The following BRINP3 variants were observed in gnomAD, a reference collection of about 807,000 sequenced individuals.
The protein encoded by BRINP3 is BMP/retinoic acid inducible neural specific 3, also known as BMP/retinoic acid-inducible neural-specific protein 3.
A neutral mutation model predicts 71.0 loss-of-function variants in BRINP3; 19 were observed. The ratio of observed to expected loss-of-function variants is 0.27; its 90% CI spans 0.19 to 0.39. The LOEUF (loss-of-function observed/expected upper bound fraction) is 0.39. BRINP3 is among the 10% of genes least tolerant of loss of function. The probability of loss-of-function intolerance (pLI) is 1.00; values close to 1 mark genes in which losing one functional copy is unlikely to be tolerated. For missense variants in BRINP3, 959 were observed against 940.8 expected (o/e 1.02, Z -0.25); for synonymous variants, 380 against 337.7 (o/e 1.13, Z -1.37).
At chr1:190,290,543 A>C (rs1229678844) in intron 2 of BRINP3, among the ~76,000 whole-genome samples, 2 of 152,114 alleles carry the variant, frequency 1.3e-5, no homozygotes, top group Non-Finnish European at 2.9e-5. Context: ...GCAGTCAATA[A>C]GTTTATACGT....
chr1:190,218,193 C>T (rs557438942), intron 6 of BRINP3, among the ~76,000 whole-genome samples: 1 of 151,736 alleles, frequency 6.6e-6, no homozygotes, highest in Non-Finnish European at 1.5e-5. Flanking sequence ...AGACTCTCAT[C>T]CATCACATCA....
At chr1:190,455,562 T>C (rs138760723) in intron 1 of BRINP3, among the ~76,000 whole-genome samples, 1 of 152,002 alleles carries the variant, frequency 6.6e-6, no homozygotes, top group East Asian at 1.9e-4. Context: ...CATGAACAGA[T>C]GTGTGTGTGT....
At chr1:190,322,983 G>T (rs1406328546) in intron 2 of BRINP3, among the ~76,000 whole-genome samples, 1 of 152,012 alleles carries the variant, frequency 6.6e-6, no homozygotes, top group African/African-American at 2.4e-5. Context: ...GAAGGATTAT[G>T]TAACTTGACC....
intron 2 of BRINP3, among the ~76,000 whole-genome samples, chr1:190,351,224 G>C (rs1668365687): frequency 1.3e-5 from 2 of 152,104 alleles, no homozygotes; most frequent in South Asian, 4.1e-4. Context: ...GTGTATGTGT[G>C]TGTGTGTGTT....
At chr1:190,356,875 A>G (rs774793083) in intron 2 of BRINP3, among the ~76,000 whole-genome samples, 3 of 152,056 alleles carry the variant, frequency 2.0e-5, no homozygotes, top group Non-Finnish European at 4.4e-5. Flanking sequence ...TTCATTTAAT[A>G]AATATGTGGT....
At chr1:190,442,596 C>T (rs1385016773) in intron 2 of BRINP3, among the ~76,000 whole-genome samples, 1 of 152,154 alleles carries the variant, frequency 6.6e-6, no homozygotes. Context: ...AAATACGTAA[C>T]ATACTTTCGA....
At chr1:190,419,799 T>C (rs1673249158) in intron 2 of BRINP3, among the ~76,000 whole-genome samples, 1 of 151,018 alleles carries the variant, frequency 6.6e-6, no homozygotes, top group African/African-American at 2.4e-5. Context: ...ATACACAGAA[T>C]GTTAAAGCAA....
chr1:190,378,920 T>C (rs948193556), intron 2 of BRINP3, among the ~76,000 whole-genome samples: 4 of 152,306 alleles, frequency 2.6e-5, no homozygotes, highest in Non-Finnish European at 4.4e-5. Context: ...GGGGAACCAA[T>C]GCAAACATGA....
intron 2 of BRINP3, among the ~76,000 whole-genome samples, chr1:190,329,786 T>C (rs1011015966): frequency 3.9e-5 from 6 of 151,904 alleles, no homozygotes; most frequent in Non-Finnish European, 8.8e-5. Context: ...AGCATAGTAC[T>C]GACACAAAAA....
In BRINP3 at chr1:190,368,168, G is replaced by A. The variant is rs144796625; in HGVS notation, c.237-86418C>T. On this transcript the variant is annotated intron_variant, in intron 2 of 7. Coordinates refer to ENST00000367462, the MANE Select transcript of BRINP3 (RefSeq NM_199051.3). ...AGGGGTTTAATTAATGCAAAGTTCC[G>A]CATAACTGGGGAGGCCTCAGGAAAC... Among the ~76,000 whole-genome samples the A allele has an allele frequency of 5.1e-4, 78 of 152,168 alleles. 2 individuals carry two copies. The Middle Eastern group carries it at 0.014, about 27-fold the overall frequency.
At chr1:190,339,413 G>A (rs543640468) in intron 2 of BRINP3, among the ~76,000 whole-genome samples, 66 of 152,058 alleles carry the variant, frequency 4.3e-4, no homozygotes, top group African/African-American at 1.5e-3. Flanking sequence ...TGTACAAGCT[G>A]CACTAGAATC....
At chr1:190,298,393 T>C (rs1335300237) in intron 2 of BRINP3, among the ~76,000 whole-genome samples, 2 of 152,128 alleles carry the variant, frequency 1.3e-5, no homozygotes, top group African/African-American at 4.8e-5. Flanking sequence ...ATTTTGCTTT[T>C]TAAAGATCTT....
rs555674095 is a variant in BRINP3, at chr1:190,419,682, T to C, written c.236+34973A>G. ...AGTTTTAAAACGTTATATTCACATA[T>C]ACATTTATACACACACACACACACA... On this transcript the variant is annotated intron_variant, in intron 2 of 7. Coordinates refer to ENST00000367462, the MANE Select transcript of BRINP3 (RefSeq NM_199051.3). Among the ~76,000 whole-genome samples the C allele has an allele frequency of 8.4e-4, 97 of 115,224 alleles. 2 individuals are homozygous for C. In the South Asian group the frequency reaches 0.016, roughly 19 times the overall value. The allele number at this position is 115,224 out of a possible 152,430, so 75.6% of individuals were successfully genotyped here.
chr1:190,456,822 G>T (rs1483145806), intron 1 of BRINP3, among the ~76,000 whole-genome samples: 3 of 151,838 alleles, frequency 2.0e-5, no homozygotes, highest in Admixed American at 2.0e-4. Flanking sequence ...CATAAAGACA[G>T]AATAAATTAT....
chr1:190,110,777 A>T (rs1652597149), intron 7 of BRINP3, among the ~76,000 whole-genome samples: 1 of 152,146 alleles, frequency 6.6e-6, no homozygotes, highest in Non-Finnish European at 1.5e-5. Context: ...CCATGAAAAA[A>T]AATTACAAAA....
chr1:190,431,604 G>T (rs1173306551), intron 2 of BRINP3, among the ~76,000 whole-genome samples: 7 of 152,080 alleles, frequency 4.6e-5, no homozygotes, highest in South Asian at 4.1e-4. Context: ...TGATCTGCCA[G>T]CCTCGGCCTC....
Position 190,170,864 on chromosome 1 carries a change from T to G in BRINP3, c.962-9974A>C, listed in dbSNP as rs370156009. 4.3e-4 allele frequency among the ~76,000 whole-genome samples: 65 copies of G among 152,300 alleles called. 1 individual carries two copies. Among genetic ancestry groups the G allele is most frequent in the East Asian group, 3.7e-3 (19 of 5,174 alleles). On this transcript the variant is annotated intron_variant, in intron 6 of 7. Coordinates refer to ENST00000367462, the MANE Select transcript of BRINP3 (RefSeq NM_199051.3). ...AAATTTACATTCAGTACCTTTTAAG[T>G]CTTAAGCATTTTTATAGGCCCTTAA...
chr1:190,430,288 A>G (rs1341184514), intron 2 of BRINP3, among the ~76,000 whole-genome samples: 1 of 152,216 alleles, frequency 6.6e-6, no homozygotes, highest in Non-Finnish European at 1.5e-5. Flanking sequence ...TAAAGTGCAC[A>G]ATGTGATTAA....
intron 5 of BRINP3, among the ~76,000 whole-genome samples, chr1:190,227,168 G>T (rs1373322029): frequency 4.0e-5 from 6 of 151,646 alleles, no homozygotes; most frequent in Non-Finnish European, 8.8e-5. Context: ...GGAAAAATCT[G>T]GTAATAGCAA....
Sources: allele counts gnomAD v4.1 joint callset (sites outside exome capture counted in the v4.1 genomes callset), GRCh38; gene constraint gnomAD v4.1.1; transcripts MANE v1.5; gene names NCBI Gene and HGNC (gene_info 2026-07-23, HGNC 2026-07-21).